ZNF385D: variants seen among roughly 807,000 people sequenced by gnomAD.
The protein encoded by ZNF385D is zinc finger protein 385D.
A neutral mutation model predicts 35.8 loss-of-function variants in ZNF385D; 15 were observed. That is an observed-to-expected ratio of 0.42 (90% confidence interval 0.28 to 0.64). The LOEUF is 0.64. Among genes scored for constraint, ZNF385D ranks in the 30% least tolerant of loss-of-function variants. The probability of loss-of-function intolerance (pLI) is 0.23; values close to 1 mark genes in which losing one functional copy is unlikely to be tolerated. For synonymous variants in ZNF385D, 212 were observed against 186.8 expected, an observed-to-expected ratio of 1.13 and a Z score of -1.10; for missense variants, 474 against 494.6, an observed-to-expected ratio of 0.96 and a Z score of 0.39.
chr3:21,692,529 A>G (rs779704219), intron 1 of ZNF385D, among the ~76,000 whole-genome samples: 1 of 152,174 alleles, frequency 6.6e-6, no homozygotes, highest in African/African-American at 2.4e-5. Flanking sequence ...ATGATGTCCT[A>G]AGTGCTTCTC....
chr3:21,868,726 T>G (rs746802873), intron 3 of ZNF385D, among the ~76,000 whole-genome samples: 2 of 152,134 alleles, frequency 1.3e-5, no homozygotes, highest in African/African-American at 4.8e-5. Context: ...GTAAATTAGA[T>G]AGAAAGTAAA....
chr3:22,171,340 C>G (rs1389511691), intron 2 of ZNF385D, among the ~76,000 whole-genome samples: 1 of 152,104 alleles, frequency 6.6e-6, no homozygotes, highest in Non-Finnish European at 1.5e-5. Flanking sequence ...CATGTGCTAA[C>G]AATTTAGCAG....
At chr3:21,443,895 G>A (rs1478469761) in intron 4 of ZNF385D, among the ~76,000 whole-genome samples, 1 of 152,060 alleles carries the variant, frequency 6.6e-6, no homozygotes, top group East Asian at 1.9e-4. Flanking sequence ...GATTTTCAAA[G>A]CTGTCCAATT....
intron 1 of ZNF385D, among the ~76,000 whole-genome samples, chr3:21,687,900 C>G (rs2067158378): frequency 6.6e-6 from 1 of 151,824 alleles, no homozygotes; most frequent in Non-Finnish European, 1.5e-5. Context: ...TAAACAAAAT[C>G]TGTTTTTTTT....
intron 2 of ZNF385D, among the ~76,000 whole-genome samples, chr3:22,331,865 A>G (rs1236887346): frequency 1.3e-5 from 2 of 152,210 alleles, no homozygotes; most frequent in African/African-American, 4.8e-5. Flanking sequence ...ATTTGAGTTT[A>G]GGTAATTTCT....
intron 2 of ZNF385D, among the ~76,000 whole-genome samples, chr3:21,571,006 T>C (rs1311836540): frequency 6.9e-6 from 1 of 144,782 alleles, no homozygotes; most frequent in African/African-American, 2.6e-5. Flanking sequence ...TTTCTTTAAC[T>C]TTTTAAATGG....
chr3:21,881,057 A>T (rs1208361775), intron 3 of ZNF385D, among the ~76,000 whole-genome samples: 1 of 152,032 alleles, frequency 6.6e-6, no homozygotes, highest in Non-Finnish European at 1.5e-5. Flanking sequence ...GAAAGAAGCC[A>T]TGTTCATAAC....
intron 1 of ZNF385D, among the ~76,000 whole-genome samples, chr3:21,703,245 A>T (rs1299262292): frequency 1.3e-5 from 2 of 152,198 alleles, no homozygotes; most frequent in African/African-American, 4.8e-5. Flanking sequence ...AAAATAAGGA[A>T]GAAGCAAAAG....
At chr3:21,472,521 A>C (rs1315148523) in intron 4 of ZNF385D, among the ~76,000 whole-genome samples, 1 of 152,142 alleles carries the variant, frequency 6.6e-6, no homozygotes, top group Non-Finnish European at 1.5e-5. Flanking sequence ...CCTCCAATCC[A>C]TCAAAAAGTC....
intron 1 of ZNF385D, among the ~76,000 whole-genome samples, chr3:21,731,075 A>G (rs1226278986): frequency 6.6e-6 from 1 of 152,214 alleles, no homozygotes; most frequent in Non-Finnish European, 1.5e-5. Context: ...TACATGCTGT[A>G]AAATATATAT....
intron 3 of ZNF385D, among the ~76,000 whole-genome samples, chr3:21,946,806 TG>T (rs1176862072): frequency 6.6e-6 from 1 of 152,230 alleles, no homozygotes; most frequent in Non-Finnish European, 1.5e-5. Context: ...CACTCCAGCC[TG>T]GGTGATAGAG....
At chr3:21,488,953 G>A (rs927630097) in intron 4 of ZNF385D, among the ~76,000 whole-genome samples, 1 of 152,134 alleles carries the variant, frequency 6.6e-6, no homozygotes, top group Non-Finnish European at 1.5e-5. Flanking sequence ...TGCCGCTAGA[G>A]TCAGTCTAAA....
intron 3 of ZNF385D, among the ~76,000 whole-genome samples, chr3:21,519,031 G>A (rs1008836898): frequency 1.3e-5 from 2 of 151,868 alleles, no homozygotes; most frequent in Non-Finnish European, 2.9e-5. Context: ...GTATTCTTTT[G>A]AGCTCAAGTG....
At position 21,780,722 on chromosome 3, in the gene ZNF385D, T is replaced by C. The variant is rs1433717163; in HGVS notation, c.326-115694A>G. 3.3e-5 allele frequency among the ~76,000 whole-genome samples: 5 copies of C among 152,060 alleles called. No homozygotes were observed. The East Asian group carries it at 9.7e-4, about 29-fold the overall frequency. ...AATAGGGTAACCCACAGAACCTGCATGGGGCTACTGAAATGTCCTCAAATC... is the reference window on the plus strand; with the variant it reads ...AATAGGGTAACCCACAGAACCTGCACGGGGCTACTGAAATGTCCTCAAATC... On this transcript the variant is annotated intron_variant, in intron 3 of 5. Coordinates refer to the ZNF385D transcript ENST00000494108.
chr3:22,106,963 G>C (rs17593925), intron 3 of ZNF385D, among the ~76,000 whole-genome samples: 1 of 151,322 alleles, frequency 6.6e-6, no homozygotes, highest in Non-Finnish European at 1.5e-5. Flanking sequence ...TCTGACATGA[G>C]CTCCTGGCAG....
intron 1 of ZNF385D, among the ~76,000 whole-genome samples, chr3:21,686,157 G>A (rs1463393640): frequency 6.6e-6 from 1 of 152,230 alleles, no homozygotes; most frequent in East Asian, 1.9e-4. Flanking sequence ...TTTTTTTAAT[G>A]TCAGATGATT....
Position 21,511,036 on chromosome 3 carries a change from A to T in ZNF385D, c.277-13T>A. On this transcript the variant is annotated splice_polypyrimidine_tract_variant and intron_variant, in intron 3 of 7. Coordinates refer to ENST00000281523, the MANE Select transcript of ZNF385D (RefSeq NM_024697.3). ...CCGCAGCCTGGCTCTACAAAGGAGA[A>T]CAAAATGAACCATGCAATCAGGCTC... The T allele has an allele frequency of 6.2e-7, 1 of 1,613,764 alleles. No individual in the cohort carries two copies. Among genetic ancestry groups the T allele is most frequent in the Non-Finnish European group, 8.5e-7 (1 of 1,179,888 alleles).
chr3:21,672,950 T>A (rs2066619905), intron 1 of ZNF385D, among the ~76,000 whole-genome samples: 1 of 152,142 alleles, frequency 6.6e-6, no homozygotes. Context: ...GAGTTTTAAA[T>A]ATTTAACCCC....
intron 3 of ZNF385D, among the ~76,000 whole-genome samples, chr3:22,109,823 C>A (rs1026573798): frequency 6.6e-6 from 1 of 152,092 alleles, no homozygotes; most frequent in Non-Finnish European, 1.5e-5. Context: ...AAAGAAACTG[C>A]CATCAGAGTG....
Sources: allele counts gnomAD v4.1 joint callset (sites outside exome capture counted in the v4.1 genomes callset), GRCh38; gene constraint gnomAD v4.1.1; transcripts MANE v1.5; gene names NCBI Gene and HGNC (gene_info 2026-07-23, HGNC 2026-07-21).